The following CRPPA variants were observed in gnomAD, a reference collection of about 807,000 sequenced individuals.
CRPPA encodes the protein D-ribitol-5-phosphate cytidylyltransferase.
A neutral mutation model predicts 52.0 loss-of-function variants in CRPPA; 43 were observed. The observed-to-expected ratio is 0.83, with a 90% confidence interval of 0.65 to 1.07. The LOEUF (loss-of-function observed/expected upper bound fraction) is 1.07. Ranked by LOEUF, CRPPA falls within the 50% of genes least tolerant of loss-of-function variation. CRPPA has a pLI of 0.00. For missense variants in CRPPA, 629 were observed against 551.7 expected, an observed-to-expected ratio of 1.14 and a Z score of -1.40; for synonymous variants, 250 against 203.5, an observed-to-expected ratio of 1.23 and a Z score of -1.94.
intron 9 of CRPPA, among the ~76,000 whole-genome samples, chr7:16,102,564 A>C (rs1318386623): frequency 6.6e-6 from 1 of 152,204 alleles, no homozygotes; most frequent in Non-Finnish European, 1.5e-5. Context: ...CTGTCTGACA[A>C]AGGGCTAATA....
chr7:16,092,138 C>T (rs1185731819), intron 9 of CRPPA, among the ~76,000 whole-genome samples: 1 of 152,064 alleles, frequency 6.6e-6, no homozygotes, highest in East Asian at 1.9e-4. Flanking sequence ...TGATGCAATC[C>T]TTTTCTTCAT....
chr7:16,338,668 G>T (rs1785746515), intron 3 of CRPPA, among the ~76,000 whole-genome samples: 1 of 152,084 alleles, frequency 6.6e-6, no homozygotes. Context: ...TATAGGAAAT[G>T]TACCAATTCC....
At chr7:16,249,491 T>G (rs897859828) in intron 8 of CRPPA, among the ~76,000 whole-genome samples, 12 of 152,148 alleles carry the variant, frequency 7.9e-5, no homozygotes, top group African/African-American at 2.9e-4. Context: ...CTGGCTGGCA[T>G]CTGGTGGGTG....
chr7:16,269,617 G>C (rs1441382991), intron 6 of CRPPA: 2 of 152,126 alleles, frequency 1.3e-5, no homozygotes, highest in East Asian at 1.9e-4. Flanking sequence ...ACAAGTTGTA[G>C]GCCTTGGAAA....
chr7:16,383,654 C>T (rs890513185), intron 2 of CRPPA, among the ~76,000 whole-genome samples: 22 of 152,330 alleles, frequency 1.4e-4, no homozygotes, highest in African/African-American at 2.4e-4. Context: ...CCACCCAGTT[C>T]GAGCTTCCAG....
At chr7:16,252,910 C>T (rs886376226) in intron 8 of CRPPA, among the ~76,000 whole-genome samples, 1 of 152,122 alleles carries the variant, frequency 6.6e-6, no homozygotes, top group Non-Finnish European at 1.5e-5. Context: ...TCATAGTATT[C>T]TCTGATGGTA....
intron 9 of CRPPA, among the ~76,000 whole-genome samples, chr7:16,205,161 C>A (rs1246588574): frequency 6.6e-6 from 1 of 152,138 alleles, no homozygotes; most frequent in Non-Finnish European, 1.5e-5. Flanking sequence ...CAACAACGGC[C>A]ACATTTGCTA....
intron 9 of CRPPA, among the ~76,000 whole-genome samples, chr7:16,181,211 A>G (rs914799004): frequency 3.3e-5 from 5 of 151,894 alleles, no homozygotes; most frequent in Non-Finnish European, 7.4e-5. Context: ...GTACCACTGG[A>G]ATGTGATACA....
intron 9 of CRPPA, among the ~76,000 whole-genome samples, chr7:16,202,536 C>G (rs78692925): frequency 6.6e-6 from 1 of 152,170 alleles, no homozygotes; most frequent in Non-Finnish European, 1.5e-5. Flanking sequence ...CAAAAACATC[C>G]TGTCTTGTTT....
intron 9 of CRPPA, among the ~76,000 whole-genome samples, chr7:16,140,829 G>C (rs1782855098): frequency 6.6e-6 from 1 of 152,132 alleles, no homozygotes; most frequent in African/African-American, 2.4e-5. Context: ...AACGGGTCAT[G>C]AAATACTAAG....
intron 2 of CRPPA, among the ~76,000 whole-genome samples, chr7:16,402,114 AT>A (rs1270490984): frequency 6.6e-6 from 1 of 152,192 alleles, no homozygotes; most frequent in Non-Finnish European, 1.5e-5. Flanking sequence ...AAAGTCCCTC[AT>A]TTAAAAGGTA....
intron 5 of CRPPA, among the ~76,000 whole-genome samples, chr7:16,288,196 C>T (rs1267752105): frequency 6.6e-6 from 1 of 151,872 alleles, no homozygotes; most frequent in Non-Finnish European, 1.5e-5. Context: ...CATTTCCTTA[C>T]ATCAATTTAA....
At chr7:16,384,611 CAA>C (rs1349306732) in intron 2 of CRPPA, among the ~76,000 whole-genome samples, 2 of 152,172 alleles carry the variant, frequency 1.3e-5, no homozygotes, top group Non-Finnish European at 2.9e-5. Flanking sequence ...AGGAGACAGT[CAA>C]AGAGAGCCCC....
chr7:16,201,167 T>G (rs892120485), intron 9 of CRPPA, among the ~76,000 whole-genome samples: 1 of 152,208 alleles, frequency 6.6e-6, no homozygotes, highest in Non-Finnish European at 1.5e-5. Flanking sequence ...ATATAGCATT[T>G]GAAATTTCTA....
At chr7:16,106,660 T>A (rs79414835) in intron 9 of CRPPA, among the ~76,000 whole-genome samples, 5,535 of 152,232 alleles carry the variant, frequency 0.036, 330 homozygotes, top group African/African-American at 0.12. Flanking sequence ...GAACACCTCT[T>A]AGGCTAGAAG....
chr7:16,242,482 A>G (rs964901305), intron 8 of CRPPA, among the ~76,000 whole-genome samples: 2 of 152,200 alleles, frequency 1.3e-5, no homozygotes, highest in Admixed American at 6.5e-5. Context: ...ATCCTTTTGG[A>G]AAAATGCAAT....
At chr7:16,183,282 T>C (rs1015761637) in intron 9 of CRPPA, among the ~76,000 whole-genome samples, 10 of 152,204 alleles carry the variant, frequency 6.6e-5, no homozygotes, top group African/African-American at 2.2e-4. Flanking sequence ...AGTGCAGGTT[T>C]CCAGGTCTGG....
At chr7:16,138,560 T>C (rs1286330166) in intron 9 of CRPPA, among the ~76,000 whole-genome samples, 1 of 152,200 alleles carries the variant, frequency 6.6e-6, no homozygotes, top group Non-Finnish European at 1.5e-5. Flanking sequence ...AGTGAGCTTG[T>C]TGTAACTGCA....
At chr7:16,160,976 T>A (rs1253661618) in intron 9 of CRPPA, among the ~76,000 whole-genome samples, 1 of 152,232 alleles carries the variant, frequency 6.6e-6, no homozygotes, top group African/African-American at 2.4e-5. Context: ...CTATTGTTGA[T>A]GTATAGGAAA....
Sources: gnomAD v4.1 joint callset for allele counts (sites outside exome capture counted in the v4.1 genomes callset) on GRCh38, gnomAD v4.1.1 for gene constraint, MANE v1.5 for transcripts, NCBI Gene and HGNC (gene_info 2026-07-23, HGNC 2026-07-21) for gene names.